The following NKAIN2 variants were observed in gnomAD, a reference collection of about 807,000 sequenced individuals.
NKAIN2 encodes the protein sodium/potassium-transporting ATPase subunit beta-1-interacting protein 2.
In NKAIN2, 14 loss-of-function variants were observed where a neutral mutation model predicts 32.6. That is an observed-to-expected ratio of 0.43 (90% CI 0.28 to 0.67). The LOEUF (loss-of-function observed/expected upper bound fraction) is 0.67, where lower values mean the gene tolerates loss of function less well. Ranked by LOEUF, NKAIN2 falls within the 30% of genes least tolerant of loss-of-function variation. NKAIN2 has a pLI of 0.17. For missense variants in NKAIN2, 198 were observed against 258.3 expected, an observed-to-expected ratio of 0.77 and a Z score of 1.60; for synonymous variants, 80 against 87.2, an observed-to-expected ratio of 0.92 and a Z score of 0.46.
intron 4 of NKAIN2, among the ~76,000 whole-genome samples, chr6:124,722,097 A>T (rs1175300669): frequency 1.3e-5 from 2 of 152,218 alleles, no homozygotes; most frequent in Admixed American, 1.3e-4. Flanking sequence ...TGACTGGCTT[A>T]CTTCACTTAG....
At chr6:124,777,349 T>C (rs1302769768) in intron 4 of NKAIN2, among the ~76,000 whole-genome samples, 1 of 152,146 alleles carries the variant, frequency 6.6e-6, no homozygotes, top group Admixed American at 6.5e-5. Context: ...GAACATGGAT[T>C]CTGGAGTCAG....
At chr6:124,663,987 T>C (rs1344203894) in intron 4 of NKAIN2, among the ~76,000 whole-genome samples, 1 of 152,052 alleles carries the variant, frequency 6.6e-6, no homozygotes, top group Non-Finnish European at 1.5e-5. Flanking sequence ...TCTGTCTCAT[T>C]CTAGTGCTAA....
chr6:123,995,583 G>A (rs549239113), intron 1 of NKAIN2, among the ~76,000 whole-genome samples: 174 of 152,300 alleles, frequency 1.1e-3, no homozygotes, highest in African/African-American at 4.0e-3. Flanking sequence ...CAATTTAAAT[G>A]TGGTCAGAAA....
intron 5 of NKAIN2, among the ~76,000 whole-genome samples, chr6:124,809,392 C>T (rs1382375367): frequency 6.4e-5 from 9 of 141,434 alleles, no homozygotes; most frequent in Non-Finnish European, 1.4e-4. Flanking sequence ...AAAGGATTCC[C>T]TATTTAATAA....
At chr6:124,244,066 C>CTT (rs375686499) in intron 1 of NKAIN2, among the ~76,000 whole-genome samples, 76 of 139,398 alleles carry the variant, frequency 5.5e-4, no homozygotes, top group African/African-American at 2.0e-3. Context: ...TAAAAGATAT[C>CTT]TTTTTTTTTT....
chr6:123,872,653 C>T (rs1362866780), intron 1 of NKAIN2, among the ~76,000 whole-genome samples: 1 of 152,170 alleles, frequency 6.6e-6, no homozygotes, highest in Non-Finnish European at 1.5e-5. Context: ...GAACACACTA[C>T]GGCTCACACA....
chr6:124,734,034 T>C (rs546282646), intron 4 of NKAIN2, among the ~76,000 whole-genome samples: 1 of 146,836 alleles, frequency 6.8e-6, no homozygotes, highest in South Asian at 2.2e-4. Context: ...GCTGGGAGTA[T>C]CTTATAATAC....
At chr6:123,976,330 C>CATATATATAT (rs1226961918) in intron 1 of NKAIN2, among the ~76,000 whole-genome samples, 16 of 34,660 alleles carry the variant, frequency 4.6e-4, no homozygotes, top group Non-Finnish European at 3.9e-4. Flanking sequence ...TATATGTTCC[C>CATATATATAT]ATATATATAT....
chr6:124,142,238 C>A (rs556246139), intron 1 of NKAIN2, among the ~76,000 whole-genome samples: 75 of 152,218 alleles, frequency 4.9e-4, no homozygotes, highest in Non-Finnish European at 9.1e-4. Context: ...CTTTTTTCTA[C>A]CCACTGCTGA....
intron 1 of NKAIN2, among the ~76,000 whole-genome samples, chr6:124,059,732 C>T (rs1449883879): frequency 6.6e-6 from 1 of 152,178 alleles, no homozygotes; most frequent in Non-Finnish European, 1.5e-5. Context: ...TCTAGGTTGG[C>T]AGTTCAGCAT....
intron 1 of NKAIN2, among the ~76,000 whole-genome samples, chr6:123,842,913 A>G (rs1774933965): frequency 6.6e-6 from 1 of 152,122 alleles, no homozygotes. Context: ...TTATCTATTC[A>G]GTGCTGTAAT....
intron 3 of NKAIN2, among the ~76,000 whole-genome samples, chr6:124,466,761 A>G (rs983324457): frequency 1.3e-5 from 2 of 152,034 alleles, no homozygotes; most frequent in Non-Finnish European, 1.5e-5. Context: ...AAAAAAAAAA[A>G]AAGAAATCAG....
intron 3 of NKAIN2, among the ~76,000 whole-genome samples, chr6:124,522,638 A>T (rs1779156919): frequency 6.6e-6 from 1 of 152,194 alleles, no homozygotes; most frequent in Non-Finnish European, 1.5e-5. Flanking sequence ...AGGAAGACAC[A>T]AACTGTCCAC....
At chr6:124,241,663 T>C (rs997915229) in intron 1 of NKAIN2, among the ~76,000 whole-genome samples, 2 of 152,290 alleles carry the variant, frequency 1.3e-5, no homozygotes, top group South Asian at 2.1e-4. Flanking sequence ...GTTTAATAAA[T>C]GGTGTTGGGA....
chr6:124,168,775 A>G (rs1220105035), intron 1 of NKAIN2, among the ~76,000 whole-genome samples: 2 of 152,120 alleles, frequency 1.3e-5, no homozygotes, highest in East Asian at 3.8e-4. Flanking sequence ...TTTATTAAGT[A>G]TATTAAGAAC....
intron 1 of NKAIN2, among the ~76,000 whole-genome samples, chr6:124,244,772 CTAAATAAA>C (rs559932838): frequency 6.6e-6 from 1 of 151,716 alleles, no homozygotes; most frequent in East Asian, 1.9e-4. Context: ...ATACTTAACT[CTAAATAAA>C]TAAATAAATA....
chr6:124,664,793 CAAAAAAAAAAAAAAAAAAAAAA>C (rs57032378), intron 4 of NKAIN2, among the ~76,000 whole-genome samples: 13 of 40,804 alleles, frequency 3.2e-4, no homozygotes, highest in South Asian at 1.7e-3. Context: ...GACTCCGTCT[CAAAAAAAAAAAAAAAAAAAAAA>C]AAAAAAAAAA....
chr6:124,646,601 C>T (rs1329058729), intron 3 of NKAIN2, among the ~76,000 whole-genome samples: 1 of 152,178 alleles, frequency 6.6e-6, no homozygotes, highest in Non-Finnish European at 1.5e-5. Context: ...AACAAAAACA[C>T]CCAGTTACTT....
intron 2 of NKAIN2, among the ~76,000 whole-genome samples, chr6:124,284,204 G>C (rs1795442455): frequency 6.6e-6 from 1 of 152,186 alleles, no homozygotes; most frequent in South Asian, 2.1e-4. Context: ...AGTGGGAGGA[G>C]TTCTGTTGCA....
Sources: gnomAD v4.1 joint callset for allele counts (sites outside exome capture counted in the v4.1 genomes callset) on GRCh38, gnomAD v4.1.1 for gene constraint, MANE v1.5 for transcripts, NCBI Gene and HGNC (gene_info 2026-07-23, HGNC 2026-07-21) for gene names.